The following SMG1 variants were observed in gnomAD, a reference collection of about 807,000 sequenced individuals.
SMG1 encodes the protein serine/threonine-protein kinase SMG1.
Under a neutral mutation model 419.9 loss-of-function variants are expected in SMG1, and 22 were observed. The ratio of observed to expected loss-of-function variants is 0.05; its 90% CI spans 0.04 to 0.07. The LOEUF (loss-of-function observed/expected upper bound fraction) is 0.07, where lower values mean the gene tolerates loss of function less well. Among genes scored for constraint, SMG1 ranks in the 10% least tolerant of loss-of-function variants. SMG1 has a pLI of 1.00. For missense variants in SMG1, 3,185 were observed against 4,342.0 expected (o/e 0.73, Z 7.49); for synonymous variants, 1,538 against 1,553.5 (o/e 0.99, Z 0.23).
intron 26 of SMG1, 95 bp from the exon 27 acceptor site, chr16:18,859,798 C>G: frequency 2.6e-6 from 2 of 771,792 alleles, no homozygotes; most frequent in South Asian, 1.9e-5. Flanking sequence ...CACCAATGAA[C>G]AGCTCCTTTA....
chr16:18,887,156 A>G (rs555500346), intron 6 of SMG1, among the ~76,000 whole-genome samples: 3 of 152,154 alleles, frequency 2.0e-5, no homozygotes, highest in Admixed American at 6.6e-5. Flanking sequence ...AATTATTATC[A>G]TATTTACAGG....
At chr16:18,833,565 TC>T (rs1459649916) in intron 50 of SMG1, among the ~76,000 whole-genome samples, 1 of 132,872 alleles carries the variant, frequency 7.5e-6, no homozygotes, top group Non-Finnish European at 1.7e-5. Flanking sequence ...CTATTTCCCT[TC>T]AAAAAAAAAA....
At chr16:18,924,238 G>A (rs1386101381) in intron 1 of SMG1, among the ~76,000 whole-genome samples, 2 of 152,106 alleles carry the variant, frequency 1.3e-5, no homozygotes, top group African/African-American at 2.4e-5. Flanking sequence ...TTTATTAATA[G>A]CTCATGTACA....
At chr16:18,883,127 C>T (rs4309378) in intron 9 of SMG1, among the ~76,000 whole-genome samples, 1 of 151,832 alleles carries the variant, frequency 6.6e-6, no homozygotes, top group Non-Finnish European at 1.5e-5. Context: ...CTACAAGCAG[C>T]AAAGATGAAA....
chr16:18,854,890 T>A lies in SMG1; in HGVS notation c.4249A>T (p.Ile1417Phe), dbSNP rs764152905. The change falls in exon 30 of 63, where the codon ATT (isoleucine) becomes TTT (phenylalanine). Residue 1417 changes from isoleucine (I) to phenylalanine (F), a missense_variant. By Grantham distance (21) the Ile-to-Phe change is conservative (BLOSUM62 0). Transcript: ENST00000446231. ...CCTAATTCCATGAGATGGCTTCTAA[T>A]TGGGACTGTTTGTTCTGAAGAGAGG... is the stretch of plus-strand genomic sequence containing the variant. ...LEKIKEQTVPIRSHLMELGLT... is the reference protein window; with the variant it reads ...LEKIKEQTVPFRSHLMELGLT... 2 of 1,613,908 alleles carry A rather than the reference T, an allele frequency of 1.2e-6. No individual in the cohort carries two copies. The highest frequency in any genetic ancestry group is 1.1e-5 in the South Asian group (1 of 91,064).
At chr16:18,920,508 G>A (rs1027933672) in intron 1 of SMG1, among the ~76,000 whole-genome samples, 6 of 151,626 alleles carry the variant, frequency 4.0e-5, no homozygotes, top group African/African-American at 1.5e-4. Context: ...TGGGCAACAT[G>A]GGGAGGCCCC....
chr16:18,872,663 C>G, intron 13 of SMG1, 39 bp from the exon 14 acceptor site: 1 of 1,313,314 alleles, frequency 7.6e-7, no homozygotes, highest in East Asian at 2.5e-5. Flanking sequence ...ATGGCTTCTC[C>G]AAAATAAGCA....
chr16:18,918,815 A>C (rs919043192), intron 1 of SMG1, among the ~76,000 whole-genome samples: 1 of 151,738 alleles, frequency 6.6e-6, no homozygotes, highest in Non-Finnish European at 1.5e-5. Context: ...TCAGGAGTTC[A>C]AGACCAGCCT....
intron 29 of SMG1, among the ~76,000 whole-genome samples, chr16:18,856,002 G>C (rs1222857729): frequency 6.6e-6 from 1 of 151,702 alleles, no homozygotes; most frequent in African/African-American, 2.4e-5. Context: ...GGTGAACTGA[G>C]TCAACTAAGA....
intron 1 of SMG1, among the ~76,000 whole-genome samples, chr16:18,924,178 C>G (rs1187011904): frequency 6.6e-6 from 1 of 152,158 alleles, no homozygotes; most frequent in African/African-American, 2.4e-5. Context: ...CCCATCGCCC[C>G]TCCCCAGAGC....
At chr16:18,837,534 A>G (rs2033652950) in intron 45 of SMG1, 91 bp from the exon 46 acceptor site, 1 of 1,131,858 alleles carries the variant, frequency 8.8e-7, no homozygotes, top group African/African-American at 1.6e-5. Context: ...ATCCTACTTA[A>G]ATCTCTACAA....
At chr16:18,923,810 C>A (rs2038287937) in intron 1 of SMG1, among the ~76,000 whole-genome samples, 1 of 152,156 alleles carries the variant, frequency 6.6e-6, no homozygotes, top group Non-Finnish European at 1.5e-5. Context: ...AGATCAAGAT[C>A]CGTTCTGTCA....
intron 56 of SMG1, 27 bp from the exon 57 acceptor site, chr16:18,817,497 G>T (rs1408520767): frequency 1.3e-6 from 2 of 1,500,822 alleles, no homozygotes; most frequent in Non-Finnish European, 1.8e-6. Flanking sequence ...GGAACCACAA[G>T]AGGAGATGGG....
In SMG1 at chr16:18,864,204, T is replaced by TC. The variant is rs2035370163; in HGVS notation, c.3351-61_3351-60insG. On this transcript the variant is annotated intron_variant, in intron 23 of 62. Coordinates refer to ENST00000446231, the MANE Select transcript of SMG1 (RefSeq NM_015092.5). ...TCTACTTACTTTTTTTTTTTTTTTT[T>TC]TTTTTTTTGTGATGAAGTTTTGCTC... 10 of 1,397,180 alleles carry TC rather than the reference T, an allele frequency of 7.2e-6. No homozygotes were observed. In the African/African-American group the frequency reaches 1.5e-4, roughly 21 times the overall value. 86.5% of individuals were successfully genotyped at this position (1,397,180 alleles called of 1,614,324 possible).
In SMG1 at chr16:18,926,226, G is replaced by A; in HGVS notation, c.-185C>T. ...GGCGGGGGAAGAGGACGGCCGTTCC[G>A]GGTTCCGCCTGAGCCCGCAGCGCAG... On this transcript the variant is annotated 5_prime_UTR_variant, in exon 1 of 63. Transcript: ENST00000446231. The A allele has an allele frequency of 3.5e-6, 2 of 575,222 alleles. No individual in the cohort carries two copies. Among genetic ancestry groups the A allele is most frequent in the Non-Finnish European group, 3.0e-6 (1 of 336,138 alleles). The allele number at this position is 575,222 out of a possible 1,614,324, so 35.6% of individuals were successfully genotyped here. A position where few individuals can be genotyped will look rare whatever the true frequency, so the allele number is the denominator to read the frequency against.
Position 18,926,401 on chromosome 16 carries a change from C to A in SMG1, c.-360G>T, listed in dbSNP as rs1213754278. On this transcript the variant is annotated 5_prime_UTR_variant, in exon 1 of 63. Coordinates refer to ENST00000446231, the MANE Select transcript of SMG1 (RefSeq NM_015092.5). The stretch of plus-strand genomic sequence containing the variant: ...GTGGCGGCAGCTCCTCACGCTCACA[C>A]GGCCACTGCTTCCCCGCCTCCCGGC... 3 of 216,940 alleles carry A rather than the reference C, an allele frequency of 1.4e-5. No individual in the cohort carries two copies. The highest frequency in any genetic ancestry group is 9.8e-5 in the East Asian group (1 of 10,156). 13.4% of individuals were successfully genotyped at this position (216,940 alleles called of 1,614,324 possible).
intron 1 of SMG1, among the ~76,000 whole-genome samples, chr16:18,914,941 ATTT>A (rs35987365): frequency 6.3e-5 from 9 of 142,504 alleles, no homozygotes; most frequent in African/African-American, 2.1e-4. Flanking sequence ...AAATTACCAT[ATTT>A]TTTTTTTTTT....
intron 55 of SMG1, among the ~76,000 whole-genome samples, chr16:18,827,498 A>ATAT (rs371741265): frequency 7.9e-6 from 1 of 126,276 alleles, no homozygotes; most frequent in African/African-American, 3.1e-5. Flanking sequence ...TAAATATACC[A>ATAT]AAATATATAT....
intron 27 of SMG1, 61 bp downstream of exon 27, chr16:18,859,495 C>T: frequency 1.3e-6 from 1 of 766,962 alleles, no homozygotes; most frequent in Non-Finnish European, 2.2e-6. Context: ...CCTCTTCACC[C>T]CATGTATGTT....
Sources: gnomAD v4.1 joint callset for allele counts (sites outside exome capture counted in the v4.1 genomes callset) on GRCh38, gnomAD v4.1.1 for gene constraint, MANE v1.5 for transcripts, NCBI Gene and HGNC (gene_info 2026-07-23, HGNC 2026-07-21) for gene names.